ANOS1: variants seen among roughly 807,000 people sequenced by gnomAD.
ANOS1 encodes the protein anosmin-1.
ANOS1 carries 6 observed loss-of-function variants against 59.0 expected under a neutral mutation model. The ratio of observed to expected loss-of-function variants is 0.10; its 90% CI spans 0.06 to 0.20. The LOEUF (loss-of-function observed/expected upper bound fraction) is 0.20. Ranked by LOEUF, ANOS1 falls within the 10% of genes least tolerant of loss-of-function variation. The probability of loss-of-function intolerance (pLI) is 1.00; values close to 1 mark genes in which losing one functional copy is unlikely to be tolerated. For missense variants in ANOS1, 433 were observed against 542.3 expected (o/e 0.80, Z 2.00); for synonymous variants, 217 against 223.4 (o/e 0.97, Z 0.25).
chrX:8,678,970 C>T (rs1479127633), intron 2 of ANOS1, among the ~76,000 whole-genome samples: 1 of 111,765 alleles, frequency 8.9e-6, no homozygotes, highest in Non-Finnish European at 1.9e-5. Flanking sequence ...ACACCACTTA[C>T]TGTGAGAGCA....
chrX:8,541,335 G>A (rs373265821), intron 9 of ANOS1, among the ~76,000 whole-genome samples: 4 of 102,435 alleles, frequency 3.9e-5, no homozygotes, highest in East Asian at 3.2e-4. Context: ...ACCGGAAGGC[G>A]GATGTTTCAG....
chrX:8,705,556 C>A (rs1184489324), intron 1 of ANOS1, among the ~76,000 whole-genome samples: 1 of 111,441 alleles, frequency 9.0e-6, no homozygotes, highest in Non-Finnish European at 1.9e-5. Context: ...TGCCAATAAA[C>A]CCCCGATTAA....
At chrX:8,710,574 G>A (rs767917910) in intron 1 of ANOS1, among the ~76,000 whole-genome samples, 4 of 111,799 alleles carry the variant, frequency 3.6e-5, no homozygotes, top group African/African-American at 1.3e-4. Flanking sequence ...CATCTTCTTG[G>A]TGAAAACAAG....
At chrX:8,616,292 A>G (rs757699071) in intron 3 of ANOS1, among the ~76,000 whole-genome samples, 9 of 111,702 alleles carry the variant, frequency 8.1e-5, no homozygotes, top group Non-Finnish European at 1.3e-4. Flanking sequence ...TCGTTTGGCT[A>G]TCGGAACACC....
At chrX:8,604,833 T>A (rs1425296033) in intron 3 of ANOS1, among the ~76,000 whole-genome samples, 1 of 112,762 alleles carries the variant, frequency 8.9e-6, no homozygotes, top group Non-Finnish European at 1.9e-5. Context: ...AGTATGTTGG[T>A]AATTCTTTGA....
chrX:8,584,143 C>A (rs775910282), intron 6 of ANOS1, among the ~76,000 whole-genome samples: 1 of 112,291 alleles, frequency 8.9e-6, no homozygotes, highest in East Asian at 2.8e-4. Flanking sequence ...ATCCTGCAGG[C>A]AACTGAACAG....
At chrX:8,606,326 A>C (rs1930942998) in intron 3 of ANOS1, among the ~76,000 whole-genome samples, 1 of 112,052 alleles carries the variant, frequency 8.9e-6, no homozygotes, top group Non-Finnish European at 1.9e-5. Flanking sequence ...AATTAAATAA[A>C]ATAAGAATGA....
In ANOS1 at chrX:8,701,325, A is replaced by G. The variant is rs867280747; in HGVS notation, c.208-1580T>C. On this transcript the variant is annotated intron_variant, in intron 1 of 13. Transcript: ENST00000262648. ...ACAGAGCAAGATGATATATGTTTGCAGTTATGAGAAAAGAAAATTGAACCA... is the reference window on the plus strand; with the variant it reads ...ACAGAGCAAGATGATATATGTTTGCGGTTATGAGAAAAGAAAATTGAACCA... Among the ~76,000 whole-genome samples the G allele has an allele frequency of 5.3e-5, 6 of 112,456 alleles. No individual in the cohort carries two copies. The Middle Eastern group carries it at 0.014, about 257-fold the overall frequency.
chrX:8,660,195 G>A (rs774393874), intron 2 of ANOS1, among the ~76,000 whole-genome samples: 6 of 111,290 alleles, frequency 5.4e-5, no homozygotes, highest in South Asian at 7.7e-4. Context: ...TCTGGGCAAC[G>A]CTGTCTTGTT....
chrX:8,562,168 T>C (rs1181345457), intron 8 of ANOS1, among the ~76,000 whole-genome samples: 2 of 111,141 alleles, frequency 1.8e-5, no homozygotes, highest in Non-Finnish European at 3.8e-5. Context: ...CTTGAACTCC[T>C]GACCTCAAGT....
chrX:8,712,208 T>G (rs1025071384), intron 1 of ANOS1, among the ~76,000 whole-genome samples: 1 of 112,096 alleles, frequency 8.9e-6, no homozygotes, highest in Non-Finnish European at 1.9e-5. Context: ...TTCCTTGGCT[T>G]GTGGCAGCAT....
chrX:8,533,916 G>A (rs184754060), intron 13 of ANOS1, among the ~76,000 whole-genome samples: 237 of 106,120 alleles, frequency 2.2e-3, no homozygotes, highest in African/African-American at 7.8e-3. Flanking sequence ...AAAAGACAAG[G>A]AAAAAAGCAT....
At chrX:8,711,565 C>T (rs1932812564) in intron 1 of ANOS1, among the ~76,000 whole-genome samples, 1 of 112,413 alleles carries the variant, frequency 8.9e-6, no homozygotes, top group African/African-American at 3.2e-5. Context: ...CACCTGTGAC[C>T]ATCCAAGGTC....
chrX:8,617,886 C>T (rs1271085067), intron 3 of ANOS1, among the ~76,000 whole-genome samples: 2 of 111,628 alleles, frequency 1.8e-5, no homozygotes, highest in Non-Finnish European at 3.8e-5. Context: ...ACCTTACATT[C>T]GACACAGGCT....
At chrX:8,632,675 A>T (rs1031388986) in intron 2 of ANOS1, among the ~76,000 whole-genome samples, 4 of 111,074 alleles carry the variant, frequency 3.6e-5, no homozygotes, top group African/African-American at 1.3e-4. Flanking sequence ...TCTTTCACAA[A>T]AGTATTTTCT....
At chrX:8,600,342 GTTCTT>G (rs1156969632) in intron 3 of ANOS1, among the ~76,000 whole-genome samples, 1 of 112,172 alleles carries the variant, frequency 8.9e-6, no homozygotes, top group South Asian at 3.6e-4. Context: ...TTAAATGCCT[GTTCTT>G]TTCTTAATTA....
At chrX:8,548,013 C>T (rs900798553) in intron 9 of ANOS1, among the ~76,000 whole-genome samples, 1 of 112,148 alleles carries the variant, frequency 8.9e-6, no homozygotes, top group Non-Finnish European at 1.9e-5. Flanking sequence ...CCGCGCCTGG[C>T]CAATTCAAAG....
chrX:8,542,086 G>C (rs1929699923), intron 9 of ANOS1, among the ~76,000 whole-genome samples: 1 of 103,792 alleles, frequency 9.6e-6, no homozygotes, highest in South Asian at 4.1e-4. Flanking sequence ...CGCCATGTCT[G>C]AGTTCACTGC....
intron 2 of ANOS1, among the ~76,000 whole-genome samples, chrX:8,646,921 C>T (rs1314949368): frequency 1.1e-5 from 1 of 89,007 alleles, no homozygotes; most frequent in Non-Finnish European, 2.1e-5. Context: ...CTACAGAGTG[C>T]GAACCTGTCT....
Sources: allele counts gnomAD v4.1 joint callset (sites outside exome capture counted in the v4.1 genomes callset), GRCh38; gene constraint gnomAD v4.1.1; transcripts MANE v1.5; gene names NCBI Gene and HGNC (gene_info 2026-07-23, HGNC 2026-07-21).